TRMU: variants seen among roughly 807,000 people sequenced by gnomAD.
TRMU encodes the protein tRNA mitochondrial 2-thiouridylase, also known as mitochondrial tRNA-specific 2-thiouridylase 1.
Under a neutral mutation model 46.9 loss-of-function variants are expected in TRMU, and 49 were observed. The ratio of observed to expected loss-of-function variants is 1.05; its 90% confidence interval spans 0.83 to 1.33. The LOEUF is 1.33. Ranked by LOEUF, TRMU falls within the 40% of genes most tolerant of loss-of-function variation. The pLI, the probability that TRMU is intolerant of heterozygous loss-of-function variation, is 0.00. For synonymous variants in TRMU, 241 were observed against 200.9 expected (o/e 1.20, Z -1.69); for missense variants, 572 against 532.4 (o/e 1.07, Z -0.73).
rs58315215 is a variant in TRMU at position 46,349,980 on chromosome 22, GTTTT to G, written c.479-299_479-296del. ...AGATTTGGCTGAATTTATTTTAGGT[GTTTT>G]TTTTTTTTTTTCTTATCACTTGAGA... is the stretch of plus-strand genomic sequence containing the variant. On this transcript the variant is annotated intron_variant, in intron 4 of 10. Coordinates refer to ENST00000645190, the MANE Select transcript of TRMU (RefSeq NM_018006.5). The surrounding 1 kb of genome is among the most constrained non-coding windows in gnomAD (Gnocchi z 4.6). 7.6e-6 allele frequency among the ~76,000 whole-genome samples: 1 copy of G among 130,898 alleles called. No homozygotes were observed. Among genetic ancestry groups the G allele is most frequent in the Non-Finnish European group, 1.7e-5 (1 of 58,838 alleles). The allele number at this position is 130,898 out of a possible 152,430, so 85.9% of individuals were successfully genotyped here. A position where few individuals can be genotyped will look rare whatever the true frequency, so the allele number is the denominator to read the frequency against.
rs942379024 is a variant in TRMU, at chr22:46,347,292, T to C, written c.478+748T>C. The C allele has an allele frequency of 2.0e-5, 3 of 152,256 alleles. No individual in the cohort carries two copies. The highest frequency in any genetic ancestry group is 7.2e-5 in the African/African-American group (3 of 41,452). The allele number at this position is 152,256 out of a possible 1,614,324, so 9.4% of individuals were successfully genotyped here. ...GAGCCTTGTCCCGCCATCTGGGGAA[T>C]AGGGGTCTCTGGGGCTGGGGCAGGG... On this transcript the variant is annotated intron_variant, in intron 4 of 10. Transcript: ENST00000645190. The surrounding 1 kb of genome is among the most constrained non-coding windows in gnomAD (Gnocchi z 5.0).
At chr22:46,345,440 G>A (rs1462072820) in intron 3 of TRMU, among the ~76,000 whole-genome samples, 1 of 152,146 alleles carries the variant, frequency 6.6e-6, no homozygotes, top group African/African-American at 2.4e-5. Flanking sequence ...AGGCTCTTTG[G>A]CTTTGTGTAA....
At chr22:46,344,554 G>A (rs6008766) in intron 3 of TRMU, among the ~76,000 whole-genome samples, 4,242 of 152,288 alleles carry the variant, frequency 0.028, 201 homozygotes, top group African/African-American at 0.096. Context: ...GTTCCCTGAG[G>A]TGGAGGCGCA....
At position 46,342,268 on chromosome 22, in the gene TRMU, CAG is replaced by C. The variant is rs2078141630; in HGVS notation, c.249-992_249-991del. Among the ~76,000 whole-genome samples the C allele has an allele frequency of 6.6e-6, 1 of 152,108 alleles. No individual in the cohort carries two copies. The highest frequency in any genetic ancestry group is 2.4e-5 in the African/African-American group (1 of 41,412). On this transcript the variant is annotated intron_variant, in intron 2 of 10. Transcript: ENST00000645190. The surrounding 1 kb of genome is among the most constrained non-coding windows in gnomAD (Gnocchi z 4.7). ...ATTAATAATTTGCTGGAGTGGTTCA[CAG>C]AACTCAGAAAAACACATTTACCAGT...
At chr22:46,343,846 C>T (rs1010241963) in intron 3 of TRMU, among the ~76,000 whole-genome samples, 14 of 152,180 alleles carry the variant, frequency 9.2e-5, no homozygotes, top group Non-Finnish European at 2.1e-4. Context: ...CTCTGTCCCA[C>T]TGCAGCTCAC....
chr22:46,355,441 C>T lies in TRMU; in HGVS notation c.874-3C>T. 7 of 1,612,758 alleles carry T rather than the reference C, an allele frequency of 4.3e-6. No homozygotes were observed. Among genetic ancestry groups the T allele is most frequent in the Non-Finnish European group, 5.9e-6 (7 of 1,179,832 alleles). Reference sequence around the variant, plus strand: ...GTCCCCACCTTCACATTCCATTCTGCAGGCCCCCCGGACAGACCACCCAGC... The same window carrying T: ...GTCCCCACCTTCACATTCCATTCTGTAGGCCCCCCGGACAGACCACCCAGC... On this transcript the variant is annotated splice_region_variant and splice_polypyrimidine_tract_variant and intron_variant, in intron 8 of 10. Coordinates refer to ENST00000645190, the MANE Select transcript of TRMU (RefSeq NM_018006.5).
intron 1 of TRMU, 127 bp downstream of exon 1, chr22:46,335,973 G>T: frequency 6.8e-7 from 1 of 1,474,002 alleles, no homozygotes; most frequent in Non-Finnish European, 9.0e-7. Context: ...GTCGGCAGGA[G>T]GATACCCCGT....
chr22:46,352,735 G>A (rs1213883505), intron 7 of TRMU: 3 of 347,344 alleles, frequency 8.6e-6, no homozygotes, highest in Non-Finnish European at 1.7e-5. Context: ...CACATGCAGC[G>A]ATGGGATCAG....
intron 10 of TRMU, 162 bp from the exon 11 acceptor site, chr22:46,356,680 C>T (rs755903365): frequency 3.5e-6 from 3 of 848,910 alleles, no homozygotes; most frequent in South Asian, 3.3e-5. Flanking sequence ...GGCCTCTCCT[C>T]TCCTGTTCAG....
intron 3 of TRMU, among the ~76,000 whole-genome samples, chr22:46,345,342 G>A (rs2078224803): frequency 6.6e-6 from 1 of 152,174 alleles, no homozygotes; most frequent in African/African-American, 2.4e-5. Flanking sequence ...TAAAAGTGCT[G>A]GGATGACAGG....
At chr22:46,345,184 C>T (rs1280799707) in intron 3 of TRMU, among the ~76,000 whole-genome samples, 1 of 152,190 alleles carries the variant, frequency 6.6e-6, no homozygotes, top group African/African-American at 2.4e-5. Flanking sequence ...AATTCTCCTG[C>T]CTCAGCCTCC....
rs1035908163 is a variant in TRMU, at chr22:46,350,920, T to C, written c.651+457T>C. Among the ~76,000 whole-genome samples, 1 of 152,188 alleles carries C rather than the reference T, an allele frequency of 6.6e-6. No homozygotes were observed. Among genetic ancestry groups the C allele is most frequent in the African/African-American group, 2.4e-5 (1 of 41,446 alleles). On this transcript the variant is annotated intron_variant, in intron 5 of 10. Coordinates refer to ENST00000645190, the MANE Select transcript of TRMU (RefSeq NM_018006.5). This position sits in a 1 kb window ranked among gnomAD's most constrained non-coding sequence, Gnocchi z 4.6. ...CGCTGTGCTGCTGGGCCGCGAGGAA[T>C]TGGTGACGCGCACACAGTTCCATCT...
intron 7 of TRMU, chr22:46,353,422 A>G (rs1569084298): frequency 2.8e-6 from 1 of 355,686 alleles, no homozygotes; most frequent in South Asian, 2.2e-5. Context: ...CAGCTATGTC[A>G]TGGGCTCAGC....
In TRMU at chr22:46,342,420, C is replaced by T. The variant is rs928021693; in HGVS notation, c.249-842C>T. On this transcript the variant is annotated intron_variant, in intron 2 of 10. Coordinates refer to ENST00000645190, the MANE Select transcript of TRMU (RefSeq NM_018006.5). This position sits in a 1 kb window ranked among gnomAD's most constrained non-coding sequence, Gnocchi z 4.7. ...CCTCCAGGAGCCTCCACAAGTGTAGCTGTGCAGAAGCTCTCTGAACCCAGT... is the reference window on the plus strand; with the variant it reads ...CCTCCAGGAGCCTCCACAAGTGTAGTTGTGCAGAAGCTCTCTGAACCCAGT... Among the ~76,000 whole-genome samples the T allele has an allele frequency of 6.6e-6, 1 of 152,240 alleles. No homozygotes were observed. Among genetic ancestry groups the T allele is most frequent in the African/African-American group, 2.4e-5 (1 of 41,472 alleles).
In TRMU at chr22:46,348,862, C is replaced by T. The variant is rs369558922; in HGVS notation, c.479-1429C>T. On this transcript the variant is annotated intron_variant, in intron 4 of 10. Transcript: ENST00000645190. This position sits in a 1 kb window ranked among gnomAD's most constrained non-coding sequence, Gnocchi z 4.8. ...TGAAAGTGGACTCTGAGGCCAGGTG[C>T]GGTGGCTCATGCCTGTAATCACAGC... Among the ~76,000 whole-genome samples, 6 of 152,012 alleles carry T rather than the reference C, an allele frequency of 3.9e-5. No individual in the cohort carries two copies. Among genetic ancestry groups the T allele is most frequent in the African/African-American group, 7.3e-5 (3 of 41,362 alleles).
chr22:46,351,782 C>T lies in TRMU; in HGVS notation c.652-339C>T, dbSNP rs2078434187. On this transcript the variant is annotated intron_variant, in intron 5 of 10. Transcript: ENST00000645190. This position sits in a 1 kb window ranked among gnomAD's most constrained non-coding sequence, Gnocchi z 6.4. The stretch of plus-strand genomic sequence containing the variant: ...TCAGGCCTGGCTTTCCTGCTACCTG[C>T]CCCTTCTCTGGTCCCTGTCTCTCCC... The T allele has an allele frequency of 2.4e-6, 1 of 419,950 alleles. No individual in the cohort carries two copies. Among genetic ancestry groups the T allele is most frequent in the East Asian group, 5.3e-5 (1 of 18,878 alleles). 26.0% of individuals were successfully genotyped at this position (419,950 alleles called of 1,614,324 possible).
At chr22:46,356,237 C>G in intron 10 of TRMU, 165 bp downstream of exon 10, 1 of 687,604 alleles carries the variant, frequency 1.5e-6, no homozygotes, top group Non-Finnish European at 2.5e-6. Flanking sequence ...GGGCTCCTCC[C>G]ACAGTGACAA....
chr22:46,336,271 T>A lies in TRMU; in HGVS notation c.82+425T>A. The A allele has an allele frequency of 1.4e-5, 6 of 439,770 alleles. No individual in the cohort carries two copies. Among genetic ancestry groups the A allele is most frequent in the Non-Finnish European group, 1.9e-5 (6 of 317,838 alleles). 27.2% of individuals were successfully genotyped at this position (439,770 alleles called of 1,614,324 possible). ...GCTGTGGCCGCCCGGTGGGAGGTCCTTGTCCTCCCCACTCAGCAGACTGGA... is the reference window on the plus strand; with the variant it reads ...GCTGTGGCCGCCCGGTGGGAGGTCCATGTCCTCCCCACTCAGCAGACTGGA... On this transcript the variant is annotated intron_variant, in intron 1 of 10. Transcript: ENST00000645190. This position sits in a 1 kb window ranked among gnomAD's most constrained non-coding sequence, Gnocchi z 4.1.
At chr22:46,337,712 A>G in intron 1 of TRMU, 67 bp from the exon 2 acceptor site, 1 of 1,596,126 alleles carries the variant, frequency 6.3e-7, no homozygotes, top group South Asian at 1.1e-5. Flanking sequence ...CTCAGAGCTC[A>G]GAAATCACTG....
Sources: allele counts gnomAD v4.1 joint callset (sites outside exome capture counted in the v4.1 genomes callset), GRCh38; gene constraint gnomAD v4.1.1; non-coding constraint Gnocchi (gnomAD v3.1); transcripts MANE v1.5; gene names NCBI Gene and HGNC (gene_info 2026-07-23, HGNC 2026-07-21).